WWC1: variants seen among roughly 807,000 people sequenced by gnomAD.
The protein encoded by WWC1 is WW and C2 domain containing 1, also known as protein KIBRA.
WWC1 carries 55 observed loss-of-function variants against 138.4 expected under a neutral mutation model. The observed-to-expected ratio is 0.40, with a 90% CI of 0.32 to 0.50. WWC1 has a LOEUF of 0.50. Among genes scored for constraint, WWC1 ranks in the 20% least tolerant of loss-of-function variants. WWC1 has a pLI of 0.72. For missense variants in WWC1, 1,226 were observed against 1,420.4 expected, an observed-to-expected ratio of 0.86 and a Z score of 2.20; for synonymous variants, 524 against 564.9, an observed-to-expected ratio of 0.93 and a Z score of 1.03.
At chr5:168,377,098 A>T (rs541355408) in intron 2 of WWC1, among the ~76,000 whole-genome samples, 1 of 152,330 alleles carries the variant, frequency 6.6e-6, no homozygotes, top group South Asian at 2.1e-4. Flanking sequence ...GATCAATGGA[A>T]CAGAATAGAG....
chr5:168,374,384 A>G (rs1223273134), intron 2 of WWC1, among the ~76,000 whole-genome samples: 1 of 144,932 alleles, frequency 6.9e-6, no homozygotes. Context: ...ATTAAATATG[A>G]TGTGGTCTTC....
chr5:168,460,812 A>C, intron 20 of WWC1, 70 bp downstream of exon 20: 10 of 1,472,936 alleles, frequency 6.8e-6, no homozygotes, highest in Non-Finnish European at 9.5e-6. Flanking sequence ...TGTGTCCTGC[A>C]CACACATCTC....
intron 1 of WWC1, among the ~76,000 whole-genome samples, chr5:168,367,097 G>A (rs559388311): frequency 2.0e-5 from 3 of 151,794 alleles, no homozygotes; most frequent in Non-Finnish European, 4.4e-5. Flanking sequence ...GCACCCAGCC[G>A]ACTTTGAAAC....
chr5:168,325,755 T>A (rs1772479689), intron 1 of WWC1, among the ~76,000 whole-genome samples: 1 of 152,196 alleles, frequency 6.6e-6, no homozygotes, highest in Admixed American at 6.5e-5. Context: ...ATCACCACCA[T>A]CCATCTCCAG....
chr5:168,357,513 C>T (rs1011773720), intron 1 of WWC1, among the ~76,000 whole-genome samples: 3 of 150,686 alleles, frequency 2.0e-5, no homozygotes, highest in South Asian at 2.1e-4. Context: ...CACGCATGCA[C>T]GTGCGTGCAT....
At chr5:168,457,035 CTTCCACTTCCCATAT>C in intron 19 of WWC1, among the ~76,000 whole-genome samples, 1 of 152,030 alleles carries the variant, frequency 6.6e-6, no homozygotes, top group East Asian at 1.9e-4. Context: ...AAGCACTATG[CTTCCACTTCCCATAT>C]TTTATTATTT....
At position 168,460,664 on chromosome 5, in the gene WWC1, T is replaced by C. The variant is rs1351824192; in HGVS notation, c.2838T>C (p.Asp946=). The C allele has an allele frequency of 8.7e-6, 14 of 1,613,960 alleles. No individual in the cohort carries two copies. Among genetic ancestry groups the C allele is most frequent in the Non-Finnish European group, 1.0e-5 (12 of 1,180,000 alleles). ...TTCTCTTGCAGCTGAATCGGAGTGA[T>C]AGTGACAGCTCCACTCTGTCCAAAA... ...SQYVCRLNRS[D]SDSSTLSKKP... is the part of the protein sequence containing the mutation. The change falls in exon 20 of 23, where the codon GAT becomes GAC. Residue 946 remains aspartate (D), a synonymous_variant. Transcript: ENST00000265293.
At chr5:168,436,168 G>A (rs1782337661) in intron 15 of WWC1, among the ~76,000 whole-genome samples, 1 of 152,118 alleles carries the variant, frequency 6.6e-6, no homozygotes, top group South Asian at 2.1e-4. Context: ...TACCGAGGGT[G>A]TGCTCTTCAT....
chr5:168,336,461 A>T (rs1261305597), intron 1 of WWC1, among the ~76,000 whole-genome samples: 1 of 151,224 alleles, frequency 6.6e-6, no homozygotes, highest in Non-Finnish European at 1.5e-5. Context: ...AATCCCAGCT[A>T]CTAGGGAGGC....
intron 1 of WWC1, among the ~76,000 whole-genome samples, chr5:168,344,484 A>G (rs1774307988): frequency 6.6e-6 from 1 of 152,216 alleles, no homozygotes; most frequent in Non-Finnish European, 1.5e-5. Flanking sequence ...CTGTGGGTCA[A>G]GATGAGATAG....
chr5:168,449,565 C>A (rs867823839), intron 17 of WWC1, among the ~76,000 whole-genome samples: 95 of 134,412 alleles, frequency 7.1e-4, no homozygotes, highest in African/African-American at 2.5e-3. Context: ...ACATGTTTAA[C>A]AGCTCTTTTT....
At chr5:168,464,474 G>C (rs567701935) in intron 20 of WWC1, among the ~76,000 whole-genome samples, 33 of 152,060 alleles carry the variant, frequency 2.2e-4, no homozygotes, top group Middle Eastern at 3.2e-3. Flanking sequence ...GATAACCCTC[G>C]GGACCTCCTA....
intron 9 of WWC1, among the ~76,000 whole-genome samples, chr5:168,421,711 C>T (rs374273528): frequency 7.0e-4 from 106 of 152,252 alleles, no homozygotes; most frequent in African/African-American, 2.5e-3. Flanking sequence ...CTAAGGGCCT[C>T]GATTTCCTCT....
At chr5:168,345,933 TGATAA>T (rs1406162507) in intron 1 of WWC1, among the ~76,000 whole-genome samples, 1 of 152,084 alleles carries the variant, frequency 6.6e-6, no homozygotes, top group African/African-American at 2.4e-5. Flanking sequence ...GTGTGACCCT[TGATAA>T]GATAATTAAA....
chr5:168,354,108 T>C (rs572936533), intron 1 of WWC1, among the ~76,000 whole-genome samples: 4 of 152,106 alleles, frequency 2.6e-5, no homozygotes, highest in South Asian at 2.1e-4. Flanking sequence ...TGGAGTGCAG[T>C]GGTGTGATCT....
At chr5:168,456,057 C>A (rs112055948) in intron 19 of WWC1, among the ~76,000 whole-genome samples, 1 of 151,972 alleles carries the variant, frequency 6.6e-6, no homozygotes, top group Non-Finnish European at 1.5e-5. Flanking sequence ...CCCAACACTT[C>A]GGGAGGCTGA....
At chr5:168,361,354 G>A (rs750962537) in intron 1 of WWC1, among the ~76,000 whole-genome samples, 1 of 152,168 alleles carries the variant, frequency 6.6e-6, no homozygotes, top group East Asian at 1.9e-4. Flanking sequence ...CTACTGTGGT[G>A]TGGGGCTTTT....
chr5:168,459,258 A>AG (rs1756592209), intron 19 of WWC1, among the ~76,000 whole-genome samples: 1 of 149,726 alleles, frequency 6.7e-6, no homozygotes, highest in Non-Finnish European at 1.5e-5. Context: ...CTGTCTCAAA[A>AG]AAAAAAAAAA....
At chr5:168,456,925 G>T (rs17070233) in intron 19 of WWC1, among the ~76,000 whole-genome samples, 2 of 151,964 alleles carry the variant, frequency 1.3e-5, no homozygotes, top group South Asian at 4.2e-4. Context: ...CAAGCCTCAC[G>T]CATTTTTCCC....
Sources: gnomAD v4.1 joint callset for allele counts (sites outside exome capture counted in the v4.1 genomes callset) on GRCh38, gnomAD v4.1.1 for gene constraint, MANE v1.5 for transcripts, NCBI Gene and HGNC (gene_info 2026-07-23, HGNC 2026-07-21) for gene names.